Variants in FAM53A observed in about 807,000 individuals in gnomAD.
FAM53A encodes family with sequence similarity 53 member A.
FAM53A carries 28 observed loss-of-function variants against 26.6 expected under a neutral mutation model. The ratio of observed to expected loss-of-function variants is 1.05; its 90% CI spans 0.78 to 1.45. The LOEUF is 1.45. Among genes scored for constraint, FAM53A ranks in the 40% most tolerant of loss-of-function variants. The pLI is 0.00. For missense variants in FAM53A, 650 were observed against 575.8 expected, an observed-to-expected ratio of 1.13 and a Z score of -1.32; for synonymous variants, 290 against 253.1, an observed-to-expected ratio of 1.15 and a Z score of -1.38.
chr4:1,581,888 C>T, the FAM53A span, among the ~76,000 whole-genome samples: 10 of 151,044 alleles, frequency 6.6e-5, no homozygotes, highest in East Asian at 1.9e-3. Context: ...AGCCACCATG[C>T]CCAGCATTTT....
chr4:1,579,280 G>C, the FAM53A span, among the ~76,000 whole-genome samples: 1 of 150,224 alleles, frequency 6.7e-6, no homozygotes, highest in Non-Finnish European at 1.5e-5. Flanking sequence ...CGCCTGCTGG[G>C]CGCCCCCTGG....
chr4:1,606,046 T>TC, the FAM53A span, among the ~76,000 whole-genome samples: 1 of 150,976 alleles, frequency 6.6e-6, no homozygotes, highest in Non-Finnish European at 1.5e-5. Context: ...GACTCTTTTT[T>TC]TTTTTTTTTT....
At chr4:1,581,290 C>T in the FAM53A span, among the ~76,000 whole-genome samples, 2 of 152,164 alleles carry the variant, frequency 1.3e-5, no homozygotes, top group East Asian at 1.9e-4. Flanking sequence ...GCTCAGGGCC[C>T]CGCCTGCGGC....
chr4:1,579,330 G>A, the FAM53A span, among the ~76,000 whole-genome samples: 1 of 150,990 alleles, frequency 6.6e-6, no homozygotes, highest in African/African-American at 2.4e-5. Context: ...CACGGCCCTC[G>A]TGGGAGGCCC....
intron 1 of FAM53A, among the ~76,000 whole-genome samples, chr4:1,669,138 C>A (rs1003719052): frequency 1.3e-5 from 2 of 152,144 alleles, no homozygotes; most frequent in Admixed American, 6.5e-5. Flanking sequence ...GAAGCCTCAA[C>A]TGAAAGAAGA....
In FAM53A at chr4:1,641,330, C is replaced by A. The variant is rs775759980; in HGVS notation, c.1160G>T (p.Arg387Leu). The A allele has an allele frequency of 6.2e-6, 10 of 1,611,880 alleles. No individual in the cohort carries two copies. The highest frequency in any genetic ancestry group is 2.2e-5 in the East Asian group (1 of 44,876). The change falls in exon 5 of 5, where the codon CGC (arginine) becomes CTC (leucine). Residue 387 changes from arginine (R) to leucine (L), a missense_variant. Physicochemically the swap from Arg to Leu is moderately radical, Grantham distance 102 (BLOSUM62 -2). Transcript: ENST00000308132. ...VGEEGVFPRARWELDLEQIEN... is the reference protein window; with the variant it reads ...VGEEGVFPRALWELDLEQIEN... ...GATCTGCTCCAGGTCCAGCTCCCAG[C>A]GGGCCCGGGGGAAGACGCCCTCCTC...
intron 2 of FAM53A, among the ~76,000 whole-genome samples, chr4:1,664,372 G>A (rs1241513590): frequency 6.6e-6 from 1 of 152,088 alleles, no homozygotes; most frequent in Non-Finnish European, 1.5e-5. Context: ...ACTGAGGCCG[G>A]GCCATGGGTA....
chr4:1,608,757 G>A, the FAM53A span, among the ~76,000 whole-genome samples: 1 of 152,202 alleles, frequency 6.6e-6, no homozygotes, highest in East Asian at 1.9e-4. Flanking sequence ...GCTCGCCGGA[G>A]GGAGAGCCGT....
At chr4:1,641,646 A>G (rs965890924) in intron 4 of FAM53A, 39 bp from the exon 5 acceptor site, 1 of 1,605,450 alleles carries the variant, frequency 6.2e-7, no homozygotes, top group African/African-American at 1.3e-5. Context: ...CATTTCTAGC[A>G]GATCACACAG....
At position 1,622,907 on chromosome 4, in the gene FAM53A, C is replaced by T. The variant is rs529244583; in HGVS notation, c.432-4796G>A. On this transcript the variant is annotated intron_variant, in intron 1 of 1. Transcript: ENST00000489029. The stretch of plus-strand genomic sequence containing the variant: ...GCACCAAGGGGAAGGGGAGGCCACA[C>T]GCACACGGCCAGCATGAACCTCACG... 3.1e-4 allele frequency among the ~76,000 whole-genome samples: 47 copies of T among 152,370 alleles called. No homozygotes were observed. The South Asian group carries it at 8.3e-3, about 27-fold the overall frequency.
intron 1 of FAM53A, among the ~76,000 whole-genome samples, chr4:1,677,654 C>CA (rs1715134910): frequency 6.6e-6 from 1 of 152,194 alleles, no homozygotes; most frequent in African/African-American, 2.4e-5. Context: ...TCCATTCACA[C>CA]AGAGAGGGAA....
intron 4 of FAM53A, among the ~76,000 whole-genome samples, chr4:1,643,110 T>C (rs993029017): frequency 2.0e-5 from 3 of 152,190 alleles, no homozygotes; most frequent in Non-Finnish European, 4.4e-5. Flanking sequence ...GACTGATTTT[T>C]ATAAAAGCAC....
rs961450988 is a variant in FAM53A at position 1,630,643 on chromosome 4, A to G, written c.432-12532T>C. 2.6e-5 allele frequency among the ~76,000 whole-genome samples: 4 copies of G among 152,072 alleles called. No individual in the cohort carries two copies. Among genetic ancestry groups the G allele is most frequent in the Non-Finnish European group, 4.4e-5 (3 of 67,962 alleles). ...CCAAGACAGGCCAGGAGCCTGCTCT[A>G]AACACCATCGTGGAAGCCAGACAGA... On this transcript the variant is annotated intron_variant, in intron 1 of 1. Coordinates refer to the FAM53A transcript ENST00000489029. The surrounding 1 kb of genome is among the most constrained non-coding windows in gnomAD (Gnocchi z 4.3).
At chr4:1,666,790 G>GC (rs2108988820) in intron 2 of FAM53A, among the ~76,000 whole-genome samples, 1 of 152,338 alleles carries the variant, frequency 6.6e-6, no homozygotes, top group Non-Finnish European at 1.5e-5. Context: ...TCACTGACCA[G>GC]CCTCGCCAAC....
At chr4:1,604,155 G>T in the FAM53A span, among the ~76,000 whole-genome samples, 2 of 152,182 alleles carry the variant, frequency 1.3e-5, no homozygotes, top group Non-Finnish European at 2.9e-5. Context: ...GAAAGGTTCT[G>T]CCCCCGGGAA....
chr4:1,652,022 A>C, intron 4 of FAM53A, among the ~76,000 whole-genome samples: 2 of 60,986 alleles, frequency 3.3e-5, no homozygotes, highest in African/African-American at 5.1e-5. Flanking sequence ...TCACACACAC[A>C]CCACACACGC....
the FAM53A span, among the ~76,000 whole-genome samples, chr4:1,606,595 C>A: frequency 6.6e-6 from 1 of 152,176 alleles, no homozygotes; most frequent in Non-Finnish European, 1.5e-5. Flanking sequence ...AGTGCATAAA[C>A]GACTCAATTA....
At chr4:1,581,589 T>C in the FAM53A span, among the ~76,000 whole-genome samples, 52 of 152,146 alleles carry the variant, frequency 3.4e-4, no homozygotes, top group Non-Finnish European at 1.2e-4. Context: ...AGGCCAAATA[T>C]CTTTTTTTGT....
chr4:1,657,494 C>G (rs1713480928), intron 2 of FAM53A, 26 bp from the exon 3 acceptor site: 2 of 1,604,812 alleles, frequency 1.2e-6, no homozygotes, highest in Non-Finnish European at 1.7e-6. Flanking sequence ...AGTTTCAATA[C>G]TGTGACTGAC....
Sources: allele counts gnomAD v4.1 joint callset (sites outside exome capture counted in the v4.1 genomes callset), GRCh38; gene constraint gnomAD v4.1.1; non-coding constraint Gnocchi (gnomAD v3.1); transcripts MANE v1.5; gene names NCBI Gene and HGNC (gene_info 2026-07-23, HGNC 2026-07-21).